The following WBP11 variants were observed in gnomAD, a reference collection of about 807,000 sequenced individuals.
The protein encoded by WBP11 is WW domain binding protein 11, also known as WW domain-binding protein 11.
WBP11 carries 12 observed loss-of-function variants against 66.7 expected under a neutral mutation model. The ratio of observed to expected loss-of-function variants is 0.18; its 90% CI spans 0.12 to 0.29. The LOEUF (loss-of-function observed/expected upper bound fraction) is 0.29, where lower values mean the gene tolerates loss of function less well. Ranked by LOEUF, WBP11 falls within the 10% of genes least tolerant of loss-of-function variation. The pLI is 1.00. For synonymous variants in WBP11, 255 were observed against 273.8 expected (o/e 0.93, Z 0.68); for missense variants, 555 against 818.3 (o/e 0.68, Z 3.93).
rs544077057 is a variant in WBP11 at position 14,787,935 on chromosome 12, G to T, written c.1493-437C>A. ...GGGCAGGAAATAAAATTTTAACCCTGGTCATCAAATGCATACGGAGGCCGA... is the reference window on the plus strand; with the variant it reads ...GGGCAGGAAATAAAATTTTAACCCTTGTCATCAAATGCATACGGAGGCCGA... On this transcript the variant is annotated intron_variant, in intron 11 of 11. Transcript: ENST00000261167. Among the ~76,000 whole-genome samples, 6 of 152,216 alleles carry T rather than the reference G, an allele frequency of 3.9e-5. No individual in the cohort carries two copies. The East Asian group carries it at 1.2e-3, about 29-fold the overall frequency.
At chr12:14,791,408 A>G (rs1949820797) in intron 8 of WBP11, 138 bp from the exon 9 acceptor site, 2 of 582,196 alleles carry the variant, frequency 3.4e-6, no homozygotes, top group Non-Finnish European at 3.0e-6. Context: ...AGCTATACTA[A>G]TGATACGAAC....
intron 4 of WBP11, among the ~76,000 whole-genome samples, chr12:14,798,086 C>T (rs1053873917): frequency 4.6e-5 from 7 of 152,118 alleles, no homozygotes; most frequent in East Asian, 1.9e-4. Context: ...ATTCTCTTCA[C>T]CCCTTTCCTT....
intron 5 of WBP11, 135 bp from the exon 6 acceptor site, chr12:14,795,239 A>G (rs1372436226): frequency 1.0e-6 from 1 of 979,402 alleles, no homozygotes; most frequent in Non-Finnish European, 1.4e-6. Context: ...CCCCCAGAAA[A>G]ATAACCTTAC....
chr12:14,803,157 G>A (rs978988648), intron 1 of WBP11, among the ~76,000 whole-genome samples, 195 bp downstream of exon 1: 18 of 152,242 alleles, frequency 1.2e-4, no homozygotes, highest in South Asian at 2.1e-4. Flanking sequence ...CAACCGACCC[G>A]GGCGATGCCA....
intron 11 of WBP11, 146 bp from the exon 12 acceptor site, chr12:14,787,644 T>C: frequency 1.4e-6 from 1 of 722,376 alleles, no homozygotes; most frequent in Admixed American, 3.6e-5. Flanking sequence ...TGGTTGCTAT[T>C]TGAAACTCAG....
rs528471590 is a variant in WBP11, at chr12:14,792,324, G to C, written c.914-1054C>G. ...GAATAAAAAGAACTTAACTGACAAAGGCTATCCATTAGACACTGGATAGGA... is the reference window on the plus strand; with the variant it reads ...GAATAAAAAGAACTTAACTGACAAACGCTATCCATTAGACACTGGATAGGA... On this transcript the variant is annotated intron_variant, in intron 8 of 11. Coordinates refer to ENST00000261167, the MANE Select transcript of WBP11 (RefSeq NM_016312.3). Among the ~76,000 whole-genome samples, 3 of 152,150 alleles carry C rather than the reference G, an allele frequency of 2.0e-5. No homozygotes were observed. In the South Asian group the frequency reaches 6.2e-4, roughly 32 times the overall value.
At chr12:14,788,915 A>G (rs954649428) in intron 11 of WBP11, 36 bp downstream of exon 11, 3 of 1,178,124 alleles carry the variant, frequency 2.5e-6, no homozygotes, top group African/African-American at 3.2e-5. Flanking sequence ...AATAAACAGC[A>G]GGCTAAGTTT....
rs1949762697 is a variant in WBP11, at chr12:14,787,153, G to C, written c.1838C>G (p.Pro613Arg). 1.2e-6 allele frequency: 2 copies of C among 1,613,538 alleles called. No individual in the cohort carries two copies. The highest frequency in any genetic ancestry group is 2.7e-5 in the African/African-American group (2 of 74,884). The part of the protein sequence containing the change: ...DSAVPLAKAA[P>R]KSGPSVPVSV... ...GACAGGAACAGAAGGACCAGATTTG[G>C]GTGCTGCTTTGGCAAGAGGCACAGC... The change falls in exon 12 of 12, where the codon CCC (proline) becomes CGC (arginine). Residue 613 changes from proline (P) to arginine (R), a missense_variant. Pro to Arg is a moderately radical substitution (Grantham distance 103). Around this residue, in one of 6 missense-constraint regions of WBP11, gnomAD observed 50 missense variants for 68.3 expected, o/e 0.73. Transcript: ENST00000261167.
chr12:14,793,894 A>G lies in WBP11; in HGVS notation c.750T>C (p.Ser250=), dbSNP rs1565673188. 1 of 1,613,364 alleles carries G rather than the reference A, an allele frequency of 6.2e-7. No individual in the cohort carries two copies. Among genetic ancestry groups the G allele is most frequent in the East Asian group, 2.2e-5 (1 of 44,844 alleles). Residue 250 remains serine (S), a synonymous_variant, in exon 8 of 12, where the codon TCT becomes TCC. Transcript: ENST00000261167. ...LAQRGHDDDV[S]STSEDDGYPE... ...GATAGCCATCATCTTCACTGGTGCT[A>G]GAAACATCATCATCATGACCTCGCT...
chr12:14,801,236 T>G (rs1366306358), intron 2 of WBP11, 84 bp downstream of exon 2: 5 of 1,381,644 alleles, frequency 3.6e-6, no homozygotes, highest in Non-Finnish European at 5.1e-6. Flanking sequence ...GGTCTTGTAA[T>G]TAAGCCACAG....
chr12:14,799,015 C>CA (rs1402438828), intron 4 of WBP11, among the ~76,000 whole-genome samples: 2 of 151,736 alleles, frequency 1.3e-5, no homozygotes, highest in South Asian at 4.2e-4. Context: ...AACTTAGATG[C>CA]AAAAAAAGAT....
In WBP11 at chr12:14,794,461, G is replaced by A. The variant is rs1005860758; in HGVS notation, c.721+76C>T. 5.3e-6 allele frequency: 8 copies of A among 1,497,984 alleles called. No homozygotes were observed. In the African/African-American group the frequency reaches 9.7e-5, roughly 18 times the overall value. The allele number at this position is 1,497,984 out of a possible 1,614,324, so 92.8% of individuals were successfully genotyped here. On this transcript the variant is annotated intron_variant, in intron 7 of 11. Coordinates refer to ENST00000261167, the MANE Select transcript of WBP11 (RefSeq NM_016312.3). ...TCTCATTTACTTTCTAAGTTCTGAG[G>A]GTGGTGAACAATATGTTAAACAGGG...
At chr12:14,795,141 G>A (rs1466516210) in intron 5 of WBP11, 37 bp from the exon 6 acceptor site, 4 of 1,515,568 alleles carry the variant, frequency 2.6e-6, no homozygotes, top group Non-Finnish European at 3.5e-6. Context: ...TGATAAAAAA[G>A]TCATCTACTA....
Position 14,796,384 on chromosome 12 carries a change from G to C in WBP11, c.387+423C>G, listed in dbSNP as rs971695036. Among the ~76,000 whole-genome samples the C allele has an allele frequency of 2.6e-5, 4 of 152,140 alleles. No homozygotes were observed. Among genetic ancestry groups the C allele is most frequent in the African/African-American group, 9.7e-5 (4 of 41,444 alleles). On this transcript the variant is annotated intron_variant, in intron 5 of 11. Transcript: ENST00000261167. The surrounding 1 kb of genome is among the most constrained non-coding windows in gnomAD (Gnocchi z 4.5). ...AGTAGGTATATGTTTAGTTTTAGAAGAAACTGCTATAAGGAAGAGGTTCAA... is the reference window on the plus strand; with the variant it reads ...AGTAGGTATATGTTTAGTTTTAGAACAAACTGCTATAAGGAAGAGGTTCAA...
At chr12:14,801,062 T>C (rs1446582759) in intron 2 of WBP11, 3 of 462,038 alleles carry the variant, frequency 6.5e-6, no homozygotes, top group Non-Finnish European at 1.1e-5. Flanking sequence ...CAAAACTAAT[T>C]TGCTCAAAAT....
chr12:14,790,531 G>A lies in WBP11; in HGVS notation c.1234C>T (p.Pro412Ser). The part of the protein sequence containing the change: ...IQAPPMPGPP[P>S]LGPPPAPPLR... The stretch of plus-strand genomic sequence containing the variant: ...GGTGGAGCAGGTGGTGGTCCAAGAG[G>A]TGGTGGTCCTGGCATGGGAGGTGCT... The change falls in exon 10 of 12, where the codon CCT (proline) becomes TCT (serine). Residue 412 changes from proline (P) to serine (S), a missense_variant. This residue lies in a region of WBP11 where 230 missense variants were observed against 286.3 expected (regional missense o/e 0.80). Coordinates refer to ENST00000261167, the MANE Select transcript of WBP11 (RefSeq NM_016312.3). 1 of 1,614,044 alleles carries A rather than the reference G, an allele frequency of 6.2e-7. No homozygotes were observed. The highest frequency in any genetic ancestry group is 8.5e-7 in the Non-Finnish European group (1 of 1,179,880).
chr12:14,803,328 A>AG (rs1397885199), intron 1 of WBP11, 24 bp downstream of exon 1: 3 of 376,736 alleles, frequency 8.0e-6, no homozygotes, highest in African/African-American at 6.6e-5. Flanking sequence ...GAGGAAGAGT[A>AG]GTAAATCAAT....
At chr12:14,797,094 T>TA (rs1281382376) in intron 4 of WBP11, 91 bp from the exon 5 acceptor site, 4 of 1,068,762 alleles carry the variant, frequency 3.7e-6, no homozygotes, top group Non-Finnish European at 5.1e-6. Context: ...CCATATATGC[T>TA]AAAAAATTTT....
At chr12:14,799,999 CT>C (rs1565675285) in intron 3 of WBP11, among the ~76,000 whole-genome samples, 3 of 152,036 alleles carry the variant, frequency 2.0e-5, no homozygotes, top group South Asian at 2.1e-4. Context: ...CTTTAAATTT[CT>C]TTTTTTTAAC....
Sources: allele counts gnomAD v4.1 joint callset (sites outside exome capture counted in the v4.1 genomes callset), GRCh38; gene constraint gnomAD v4.1.1; regional missense constraint gnomAD v4.1.1; non-coding constraint Gnocchi (gnomAD v3.1); transcripts MANE v1.5; gene names NCBI Gene and HGNC (gene_info 2026-07-23, HGNC 2026-07-21).